The following RALYL variants were observed in gnomAD, a reference collection of about 807,000 sequenced individuals.
The protein encoded by RALYL is RNA-binding Raly-like protein.
In RALYL, 29 loss-of-function variants were observed where a neutral mutation model predicts 35.1. The observed-to-expected ratio is 0.83, with a 90% CI of 0.61 to 1.13. The LOEUF (loss-of-function observed/expected upper bound fraction) is 1.13, where lower values mean the gene tolerates loss of function less well. Ranked by LOEUF, RALYL falls within the 50% of genes most tolerant of loss-of-function variation. RALYL has a pLI of 0.00. For synonymous variants in RALYL, 120 were observed against 127.6 expected, an observed-to-expected ratio of 0.94 and a Z score of 0.40; for missense variants, 359 against 360.4, an observed-to-expected ratio of 1.00 and a Z score of 0.03.
intron 4 of RALYL, among the ~76,000 whole-genome samples, chr8:84,811,365 G>T (rs1249844771): frequency 6.6e-6 from 1 of 152,136 alleles, no homozygotes; most frequent in Non-Finnish European, 1.5e-5. Context: ...AGTTTGTAGG[G>T]TTTCTGCTGA....
chr8:84,374,407 T>A (rs1198984554), intron 1 of RALYL, among the ~76,000 whole-genome samples: 1 of 151,972 alleles, frequency 6.6e-6, no homozygotes, highest in Non-Finnish European at 1.5e-5. Context: ...CTGATCATTC[T>A]ACCTTAAACA....
chr8:84,434,819 A>AT (rs1028299704), intron 1 of RALYL, among the ~76,000 whole-genome samples: 4 of 152,120 alleles, frequency 2.6e-5, no homozygotes, highest in South Asian at 2.1e-4. Flanking sequence ...AAATTAAAAA[A>AT]ATATATACAT....
intron 2 of RALYL, among the ~76,000 whole-genome samples, chr8:84,754,950 T>C (rs951853154): frequency 6.6e-6 from 1 of 152,192 alleles, no homozygotes; most frequent in Admixed American, 6.6e-5. Flanking sequence ...GTAGATGTGC[T>C]TGGGTAACTT....
At chr8:84,687,517 T>G (rs1837062449) in intron 2 of RALYL, among the ~76,000 whole-genome samples, 1 of 152,106 alleles carries the variant, frequency 6.6e-6, no homozygotes, top group African/African-American at 2.4e-5. Context: ...TTCCGATCCT[T>G]TGAGAACACT....
At chr8:84,744,726 G>T (rs1482373390) in intron 2 of RALYL, among the ~76,000 whole-genome samples, 4 of 151,858 alleles carry the variant, frequency 2.6e-5, no homozygotes, top group Non-Finnish European at 5.9e-5. Flanking sequence ...CTTCCATTTT[G>T]CTGATACTCA....
chr8:84,730,116 A>T (rs999895705), intron 2 of RALYL, among the ~76,000 whole-genome samples: 1 of 152,186 alleles, frequency 6.6e-6, no homozygotes, highest in African/African-American at 2.4e-5. Flanking sequence ...CTTGATGAAC[A>T]TTGATGCAAA....
rs973371069 is a variant in RALYL at position 84,547,408 on chromosome 8, C to T, written c.256+17831C>T. Among the ~76,000 whole-genome samples, 6 of 151,460 alleles carry T rather than the reference C, an allele frequency of 4.0e-5. 1 individual carries two copies. Among genetic ancestry groups the T allele is most frequent in the South Asian group, 4.2e-4 (2 of 4,810 alleles). On this transcript the variant is annotated intron_variant, in intron 2 of 8. Coordinates refer to ENST00000521268, the MANE Select transcript of RALYL (RefSeq NM_173848.7). ...TTAATTTTTTTTTGAGACGGAGTCTCGCTCTGTGGCCAGGCTGGAGTGCAG... is the reference window on the plus strand; with the variant it reads ...TTAATTTTTTTTTGAGACGGAGTCTTGCTCTGTGGCCAGGCTGGAGTGCAG...
In RALYL at chr8:84,351,997, T is replaced by C. The variant is rs563775050; in HGVS notation, c.-24+167573T>C. Among the ~76,000 whole-genome samples the C allele has an allele frequency of 1.0e-4, 15 of 150,468 alleles. 2 individuals are homozygous for C. Among genetic ancestry groups the C allele is most frequent in the Middle Eastern group, 3.4e-3 (1 of 294 alleles). On this transcript the variant is annotated intron_variant, in intron 1 of 8. Transcript: ENST00000521268. ...AATTGTGAATTTTTAGATGGAAATA[T>C]ATGTGTGTAAACCTGAATCTTACCC... is the stretch of plus-strand genomic sequence containing the variant.
At chr8:84,271,849 T>C (rs1021758477) in intron 1 of RALYL, among the ~76,000 whole-genome samples, 2 of 152,080 alleles carry the variant, frequency 1.3e-5, no homozygotes, top group African/African-American at 4.8e-5. Flanking sequence ...AGGCTGCAAA[T>C]GGGCATAATG....
At chr8:84,631,622 G>T (rs939155313) in intron 2 of RALYL, among the ~76,000 whole-genome samples, 1 of 151,486 alleles carries the variant, frequency 6.6e-6, no homozygotes, top group African/African-American at 2.4e-5. Flanking sequence ...TTGATATGAA[G>T]ATCTGTACAT....
At chr8:84,605,938 C>T (rs1315627071) in intron 2 of RALYL, among the ~76,000 whole-genome samples, 1 of 152,022 alleles carries the variant, frequency 6.6e-6, no homozygotes, top group Non-Finnish European at 1.5e-5. Flanking sequence ...TAAGTATAGC[C>T]AGAGTTATTT....
intron 1 of RALYL, among the ~76,000 whole-genome samples, chr8:84,498,105 T>A (rs1212869448): frequency 1.3e-5 from 2 of 152,120 alleles, no homozygotes; most frequent in Non-Finnish European, 2.9e-5. Flanking sequence ...GGTAGTTTTT[T>A]AAATTCGATT....
At chr8:84,662,086 C>T (rs1370023536) in intron 2 of RALYL, among the ~76,000 whole-genome samples, 2 of 152,066 alleles carry the variant, frequency 1.3e-5, no homozygotes, top group Admixed American at 6.6e-5. Flanking sequence ...AGCTATTCAA[C>T]GTGTGACCTC....
chr8:84,819,333 C>A (rs935832237), intron 4 of RALYL, among the ~76,000 whole-genome samples: 5 of 152,148 alleles, frequency 3.3e-5, no homozygotes, highest in African/African-American at 9.7e-5. Context: ...TATCAACCTG[C>A]CAGTCAGTGA....
intron 1 of RALYL, among the ~76,000 whole-genome samples, chr8:84,468,576 A>AT (rs1184339819): frequency 1.1e-4 from 16 of 146,856 alleles, no homozygotes; most frequent in African/African-American, 3.7e-4. Context: ...TGCCCTTAAC[A>AT]TTTTTTCCTT....
chr8:84,434,933 G>T (rs1317974705), intron 1 of RALYL, among the ~76,000 whole-genome samples: 1 of 152,150 alleles, frequency 6.6e-6, no homozygotes, highest in African/African-American at 2.4e-5. Flanking sequence ...ATTATTTCAA[G>T]TAATAATATC....
At chr8:84,609,767 C>G (rs1035137796) in intron 2 of RALYL, among the ~76,000 whole-genome samples, 2 of 152,064 alleles carry the variant, frequency 1.3e-5, no homozygotes, top group African/African-American at 4.8e-5. Flanking sequence ...TTAGTCTGTT[C>G]TCATGTTGCT....
At chr8:84,591,408 C>A (rs1251688910) in intron 2 of RALYL, among the ~76,000 whole-genome samples, 1 of 152,160 alleles carries the variant, frequency 6.6e-6, no homozygotes, top group Admixed American at 6.5e-5. Flanking sequence ...TTCGCCTTGC[C>A]ACCAGATCTC....
At chr8:84,643,878 G>T (rs1457211147) in intron 2 of RALYL, among the ~76,000 whole-genome samples, 2 of 151,938 alleles carry the variant, frequency 1.3e-5, no homozygotes, top group Admixed American at 1.3e-4. Context: ...TGTCCCAGTG[G>T]CTGTTTCTAG....
Sources: gnomAD v4.1 joint callset for allele counts (sites outside exome capture counted in the v4.1 genomes callset) on GRCh38, gnomAD v4.1.1 for gene constraint, MANE v1.5 for transcripts, NCBI Gene and HGNC (gene_info 2026-07-23, HGNC 2026-07-21) for gene names.